The following LIPI variants were observed in gnomAD, a reference collection of about 807,000 sequenced individuals.
LIPI encodes the protein lipase member I.
LIPI carries 59 observed loss-of-function variants against 50.6 expected under a neutral mutation model. That is an observed-to-expected ratio of 1.16 (90% CI 0.94 to 1.45). The LOEUF is 1.45. LIPI is among the 40% of genes most tolerant of loss of function. The pLI is 0.00. For synonymous variants in LIPI, 203 were observed against 178.2 expected (o/e 1.14, Z -1.11); for missense variants, 586 against 536.3 (o/e 1.09, Z -0.92).
chr21:14,165,351 T>A lies in LIPI; in HGVS notation c.773A>T (p.His258Leu). ...FIKCNHQRAV[H>L]LFMASLETNC... ...TGTTTCTAAAGATGCCATGAACAAG[T>A]GAACTGCTCTCTGGTGGTTGCATTT... is the stretch of plus-strand genomic sequence containing the variant. Residue 258 changes from histidine to leucine, a missense_variant, in exon 6 of 10, where the codon CAC becomes CTC. Transcript: ENST00000681601. 1.2e-6 allele frequency: 2 copies of A among 1,612,852 alleles called. No individual in the cohort carries two copies. Among genetic ancestry groups the A allele is most frequent in the Non-Finnish European group, 1.7e-6 (2 of 1,179,112 alleles).
chr21:14,197,889 C>G (rs2123319144), intron 1 of LIPI, among the ~76,000 whole-genome samples: 2 of 151,940 alleles, frequency 1.3e-5, no homozygotes, highest in South Asian at 4.2e-4. Flanking sequence ...AGGTCACCTA[C>G]AAAGGGGAGC....
At chr21:14,209,861 T>C (rs997354622) in intron 1 of LIPI, among the ~76,000 whole-genome samples, 2 of 152,026 alleles carry the variant, frequency 1.3e-5, no homozygotes, top group Non-Finnish European at 2.9e-5. Context: ...TTTTACATTA[T>C]AATAACATAA....
chr21:14,170,066 T>G (rs886204510), intron 4 of LIPI, among the ~76,000 whole-genome samples: 6 of 152,120 alleles, frequency 3.9e-5, no homozygotes, highest in African/African-American at 9.7e-5. Context: ...CAAACTACCA[T>G]CAGAGAATAC....
intron 1 of LIPI, among the ~76,000 whole-genome samples, chr21:14,203,187 G>A (rs1297499434): frequency 4.6e-5 from 7 of 152,100 alleles, no homozygotes; most frequent in Non-Finnish European, 7.3e-5. Flanking sequence ...GGAAACAACA[G>A]GTGCTGGAGA....
chr21:14,141,451 T>C lies in LIPI; in HGVS notation c.1295+3172A>G, dbSNP rs141540334. 6.0e-3 allele frequency among the ~76,000 whole-genome samples: 912 copies of C among 152,214 alleles called. 5 individuals carry two copies. Among genetic ancestry groups the C allele is most frequent in the Middle Eastern group, 0.027 (8 of 294 alleles). On this transcript the variant is annotated intron_variant, in intron 9 of 9. Transcript: ENST00000681601. ...AATCAGTTGTCCCATCATCTCACTCTTCACTCGTTCTTATATGGATTTTTG... is the reference window on the plus strand; with the variant it reads ...AATCAGTTGTCCCATCATCTCACTCCTCACTCGTTCTTATATGGATTTTTG...
chr21:14,140,189 A>G (rs1410722692), intron 9 of LIPI, among the ~76,000 whole-genome samples: 1 of 152,162 alleles, frequency 6.6e-6, no homozygotes, highest in Non-Finnish European at 1.5e-5. Flanking sequence ...GAGAGATGAT[A>G]AAACTTAGTG....
At chr21:14,203,019 C>T (rs977560842) in intron 1 of LIPI, among the ~76,000 whole-genome samples, 21 of 152,032 alleles carry the variant, frequency 1.4e-4, no homozygotes, top group South Asian at 4.1e-4. Flanking sequence ...AAAAAGTGGG[C>T]GAAGGATATG....
intron 9 of LIPI, among the ~76,000 whole-genome samples, chr21:14,141,363 G>A (rs1244825104): frequency 7.1e-6 from 1 of 140,484 alleles, no homozygotes; most frequent in African/African-American, 2.7e-5. Flanking sequence ...CTATTTTAAT[G>A]TTGATACCAA....
At chr21:14,152,749 C>A in intron 7 of LIPI, 65 bp from the exon 8 acceptor site, 1 of 748,248 alleles carries the variant, frequency 1.3e-6, no homozygotes, top group South Asian at 1.5e-5. Flanking sequence ...GGTACATATT[C>A]AGATATATAT....
chr21:14,136,918 A>G (rs1262494726), intron 9 of LIPI, among the ~76,000 whole-genome samples: 2 of 152,186 alleles, frequency 1.3e-5, no homozygotes, highest in Non-Finnish European at 2.9e-5. Context: ...AAAGAGAACA[A>G]GAGTCTCTGC....
chr21:14,187,381 C>T (rs1423015211), intron 2 of LIPI, among the ~76,000 whole-genome samples: 1 of 152,132 alleles, frequency 6.6e-6, no homozygotes, highest in African/African-American at 2.4e-5. Flanking sequence ...CTCAGGCTTT[C>T]AAGGCACAAG....
chr21:14,170,708 T>C (rs1461763879), intron 4 of LIPI, among the ~76,000 whole-genome samples: 10 of 151,824 alleles, frequency 6.6e-5, no homozygotes, highest in Admixed American at 5.9e-4. Flanking sequence ...ATTGATGGGA[T>C]GTATCTCAAA....
rs187259347 is a variant in LIPI at position 14,112,891 on chromosome 21, T to C, written c.1296-3811A>G. Among the ~76,000 whole-genome samples, 43 of 152,286 alleles carry C rather than the reference T, an allele frequency of 2.8e-4. No individual in the cohort carries two copies. The East Asian group carries it at 8.1e-3, about 29-fold the overall frequency. ...TCCTAATATTCTTTTAAAATGTTAC[T>C]TGGATAAGGTTTCCAGCAATAACAC... On this transcript the variant is annotated intron_variant, in intron 9 of 9. Transcript: ENST00000681601.
At chr21:14,195,557 T>C (rs1030305844) in intron 1 of LIPI, among the ~76,000 whole-genome samples, 8 of 152,242 alleles carry the variant, frequency 5.3e-5, no homozygotes, top group African/African-American at 7.2e-5. Context: ...GCATATAAAA[T>C]ATTTAAGGAA....
chr21:14,124,564 G>A (rs188915751), intron 9 of LIPI, among the ~76,000 whole-genome samples: 64 of 152,288 alleles, frequency 4.2e-4, no homozygotes, highest in Admixed American at 3.7e-3. Context: ...GGTTGATACA[G>A]AAACATGGTT....
chr21:14,137,282 C>A (rs1439325325), intron 9 of LIPI, among the ~76,000 whole-genome samples: 1 of 152,160 alleles, frequency 6.6e-6, no homozygotes, highest in Non-Finnish European at 1.5e-5. Flanking sequence ...ACTATGTGAC[C>A]TTTTAGACAA....
At chr21:14,149,678 T>C (rs927951299) in intron 8 of LIPI, among the ~76,000 whole-genome samples, 3 of 152,124 alleles carry the variant, frequency 2.0e-5, no homozygotes, top group Admixed American at 2.0e-4. Flanking sequence ...TGAGAGCAAT[T>C]GGCCAAAACA....
Position 14,163,471 on chromosome 21 carries a change from T to A in LIPI, c.954A>T (p.Arg318Ser), listed in dbSNP as rs747075914. 2 of 1,591,914 alleles carry A rather than the reference T, an allele frequency of 1.3e-6. No homozygotes were observed. The highest frequency in any genetic ancestry group is 1.7e-6 in the Non-Finnish European group (2 of 1,160,240). Reference protein sequence around the residue: ...KGVLKERMEGRPLRTTVFLDT... With the variant: ...KGVLKERMEGSPLRTTVFLDT... Reference sequence around the variant, plus strand: ...CCAAAAACACAGTGGTCCTAAGAGGTCTTCCTTCCATCCTTTCTTTTAAAA... The same window carrying A: ...CCAAAAACACAGTGGTCCTAAGAGGACTTCCTTCCATCCTTTCTTTTAAAA... Residue 318 changes from arginine (R) to serine (S), a missense_variant, in exon 7 of 10, where the codon AGA becomes AGT. Coordinates refer to ENST00000681601, the MANE Select transcript of LIPI (RefSeq NM_001302998.2).
intron 9 of LIPI, among the ~76,000 whole-genome samples, chr21:14,129,389 G>A (rs1196869546): frequency 6.6e-6 from 1 of 151,996 alleles, no homozygotes; most frequent in Non-Finnish European, 1.5e-5. Context: ...ATTTTGTTAA[G>A]ATGTGTATTG....
Sources: gnomAD v4.1 joint callset for allele counts (sites outside exome capture counted in the v4.1 genomes callset) on GRCh38, gnomAD v4.1.1 for gene constraint, MANE v1.5 for transcripts, NCBI Gene and HGNC (gene_info 2026-07-23, HGNC 2026-07-21) for gene names.